The following MORC4 variants were observed in gnomAD, a reference collection of about 807,000 sequenced individuals.
MORC4 encodes MORC family CW-type zinc finger 4.
Under a neutral mutation model 65.5 loss-of-function variants are expected in MORC4, and 22 were observed. The ratio of observed to expected loss-of-function variants is 0.34; its 90% confidence interval spans 0.24 to 0.48. MORC4 has a LOEUF of 0.48. Among genes scored for constraint, MORC4 ranks in the 20% least tolerant of loss-of-function variants. The pLI is 0.99. For synonymous variants in MORC4, 267 were observed against 255.8 expected (o/e 1.04, Z -0.42); for missense variants, 624 against 703.0 (o/e 0.89, Z 1.27).
chrX:106,955,843 T>C (rs1368248845), intron 13 of MORC4, among the ~76,000 whole-genome samples: 1 of 111,058 alleles, frequency 9.0e-6, no homozygotes, highest in Non-Finnish European at 1.9e-5. Flanking sequence ...CAGATCTCTC[T>C]TGGAAAGAGG....
At chrX:106,952,821 T>C (rs1791424387) in intron 14 of MORC4, among the ~76,000 whole-genome samples, 1 of 112,099 alleles carries the variant, frequency 8.9e-6, no homozygotes, top group Admixed American at 9.4e-5. Context: ...CCTTTGTAAC[T>C]CTTGATTAAA....
intron 9 of MORC4, among the ~76,000 whole-genome samples, chrX:106,968,330 T>C (rs1002547056): frequency 9.0e-6 from 1 of 110,522 alleles, no homozygotes; most frequent in Non-Finnish European, 1.9e-5. Context: ...TAAACATGGA[T>C]AGGAACAACT....
intron 9 of MORC4, among the ~76,000 whole-genome samples, chrX:106,971,115 G>C (rs887887314): frequency 9.0e-6 from 1 of 111,535 alleles, no homozygotes; most frequent in Non-Finnish European, 1.9e-5. Context: ...TACCAAAACA[G>C]ATATACAGAT....
Position 106,942,782 on chromosome X carries a change from ATC to A in MORC4, c.2107_2108del (p.Asp703PhefsTer11), listed in dbSNP as rs1933724945. ...AVVGVAKGVR[D>X]SGAPIQLIPF... The stretch of plus-strand genomic sequence containing the variant: ...GGATCAGCTGAATGGGAGCTCCTGA[ATC>A]TCTAACACCTTTGGCAACACCCACA... On this transcript the variant is annotated frameshift_variant, in exon 15 of 17. Transcript: ENST00000355610. LOFTEE classifies it high-confidence loss of function. The A allele has an allele frequency of 2.5e-6, 3 of 1,209,729 alleles. No individual in the cohort carries two copies. The highest frequency in any genetic ancestry group is 3.4e-6 in the Non-Finnish European group (3 of 895,166).
chrX:106,967,349 A>C (rs1934400429), intron 9 of MORC4, among the ~76,000 whole-genome samples: 1 of 112,030 alleles, frequency 8.9e-6, no homozygotes, highest in Non-Finnish European at 1.9e-5. Context: ...TAAAACCACA[A>C]AGATGGGGAG....
intron 7 of MORC4, among the ~76,000 whole-genome samples, chrX:106,979,710 T>C (rs775563308): frequency 6.3e-5 from 7 of 110,592 alleles, no homozygotes; most frequent in Non-Finnish European, 1.1e-4. Context: ...ACATATAGAA[T>C]GCATGCATAG....
chrX:106,972,593 A>G (rs1044287153), intron 9 of MORC4, among the ~76,000 whole-genome samples: 4 of 111,718 alleles, frequency 3.6e-5, no homozygotes, highest in Non-Finnish European at 7.5e-5. Context: ...ATGAATATAC[A>G]TGACACGCAT....
intron 14 of MORC4, among the ~76,000 whole-genome samples, chrX:106,954,521 A>G (rs750233577): frequency 8.9e-6 from 1 of 112,451 alleles, no homozygotes; most frequent in South Asian, 3.7e-4. Flanking sequence ...TAGGCCTATG[A>G]GGCCCAAGAG....
At chrX:106,948,533 T>C (rs1177130342) in intron 14 of MORC4, among the ~76,000 whole-genome samples, 1 of 112,087 alleles carries the variant, frequency 8.9e-6, no homozygotes, top group Non-Finnish European at 1.9e-5. Flanking sequence ...AAGCACTCTT[T>C]GCTTTTTCAT....
intron 2 of MORC4, 111 bp downstream of exon 2, chrX:106,999,566 C>A (rs899141996): frequency 2.8e-6 from 2 of 717,444 alleles, no homozygotes; most frequent in Non-Finnish European, 3.8e-6. Context: ...GAGGCCCCCA[C>A]CCCAGCCCCG....
chrX:106,963,999 A>G (rs1934315277), intron 9 of MORC4, among the ~76,000 whole-genome samples: 2 of 111,194 alleles, frequency 1.8e-5, no homozygotes, highest in Admixed American at 1.9e-4. Context: ...AGGCATACAA[A>G]CAAACAAGAC....
At chrX:106,987,719 G>A (rs1042797053) in intron 3 of MORC4, among the ~76,000 whole-genome samples, 1 of 111,191 alleles carries the variant, frequency 9.0e-6, no homozygotes, top group Non-Finnish European at 1.9e-5. Context: ...CACTAAGAAA[G>A]GGAACCACCT....
chrX:106,942,263 G>C, intron 15 of MORC4, 42 bp from the exon 16 acceptor site: 1 of 1,168,366 alleles, frequency 8.6e-7, no homozygotes, highest in Non-Finnish European at 1.1e-6. Flanking sequence ...CCACAAAAGA[G>C]CACGCCAAAA....
chrX:106,953,911 G>A (rs777275300), intron 14 of MORC4, among the ~76,000 whole-genome samples: 11 of 112,195 alleles, frequency 9.8e-5, no homozygotes, highest in Non-Finnish European at 1.7e-4. Flanking sequence ...ATCACCTGAG[G>A]TCGGGAGTTC....
intron 9 of MORC4, among the ~76,000 whole-genome samples, chrX:106,975,580 T>C (rs778116787): frequency 6.3e-5 from 7 of 111,489 alleles, no homozygotes; most frequent in Non-Finnish European, 1.1e-4. Context: ...CAAAAGAGAT[T>C]TGGGAAATTT....
At chrX:106,998,621 T>G (rs1487269239) in intron 2 of MORC4, among the ~76,000 whole-genome samples, 1 of 112,728 alleles carries the variant, frequency 8.9e-6, no homozygotes, top group Non-Finnish European at 1.9e-5. Context: ...GTACCAAACC[T>G]CAAAGATACA....
chrX:106,980,866 T>C (rs370114883), intron 7 of MORC4, 25 bp downstream of exon 7: 2 of 1,186,423 alleles, frequency 1.7e-6, no homozygotes, highest in African/African-American at 3.5e-5. Flanking sequence ...GTCAACTTCA[T>C]GTAGTGGTAC....
chrX:106,968,861 A>C (rs1334861543), intron 9 of MORC4, among the ~76,000 whole-genome samples: 1 of 110,704 alleles, frequency 9.0e-6, no homozygotes, highest in African/African-American at 3.3e-5. Flanking sequence ...AAAGAGACTT[A>C]GACTCCCACA....
Position 106,999,889 on chromosome X carries a change from G to A in MORC4, c.81C>T (p.Ala27=). The A allele has an allele frequency of 1.2e-6, 1 of 828,862 alleles. No individual in the cohort carries two copies. The highest frequency in any genetic ancestry group is 1.5e-6 in the Non-Finnish European group (1 of 688,145). 68.3% of individuals were successfully genotyped at this position (828,862 alleles called of 1,213,427 possible). ...GLARPGGGPQ[A]FGIRLSTMSP... The stretch of plus-strand genomic sequence containing the variant: ...CTACCGTGCTCAGGCGGATCCCGAA[G>A]GCCTGCGGGCCGCCGCCGGGCCGGG... Residue 27 remains alanine, a synonymous_variant, in exon 1 of 17, where the codon GCC becomes GCT. Transcript: ENST00000355610.
Sources: allele counts gnomAD v4.1 joint callset (sites outside exome capture counted in the v4.1 genomes callset), GRCh38; gene constraint gnomAD v4.1.1; transcripts MANE v1.5; gene names NCBI Gene and HGNC (gene_info 2026-07-23, HGNC 2026-07-21).